Variants in VCL observed in about 807,000 individuals in gnomAD.
VCL encodes epididymis luminal protein 114.
A neutral mutation model predicts 125.7 loss-of-function variants in VCL; 47 were observed. The ratio of observed to expected loss-of-function variants is 0.37; its 90% CI spans 0.30 to 0.48. The LOEUF (loss-of-function observed/expected upper bound fraction) is 0.48, where lower values mean the gene tolerates loss of function less well. VCL is among the 20% of genes least tolerant of loss of function. VCL has a pLI of 0.99. For missense variants in VCL, 1,069 were observed against 1,455.5 expected, an observed-to-expected ratio of 0.73 and a Z score of 4.32; for synonymous variants, 458 against 514.6, an observed-to-expected ratio of 0.89 and a Z score of 1.49.
chr10:74,114,079 GA>G, intron 19 of VCL, 104 bp from the exon 20 acceptor site: 2 of 1,341,290 alleles, frequency 1.5e-6, no homozygotes, highest in Non-Finnish European at 2.1e-6. Flanking sequence ...CTTCCGGAGG[GA>G]TGCTAAGGTG....
At chr10:74,067,393 A>G (rs564533178) in intron 2 of VCL, among the ~76,000 whole-genome samples, 12 of 149,676 alleles carry the variant, frequency 8.0e-5, no homozygotes, top group Non-Finnish European at 1.6e-4. Flanking sequence ...AAAAAAAAAG[A>G]TAAGCATTGG....
chr10:74,088,035 A>G (rs760727475), intron 8 of VCL, among the ~76,000 whole-genome samples: 7 of 152,216 alleles, frequency 4.6e-5, no homozygotes, highest in Non-Finnish European at 8.8e-5. Flanking sequence ...GGCTAGATAG[A>G]TGAATGACAG....
intron 14 of VCL, among the ~76,000 whole-genome samples, chr10:74,102,167 G>C (rs1371871636): frequency 6.6e-6 from 1 of 151,646 alleles, no homozygotes; most frequent in Non-Finnish European, 1.5e-5. Context: ...GGCCGGCTTG[G>C]ATAATCTTAA....
At chr10:74,060,493 A>G (rs550285074) in intron 2 of VCL, among the ~76,000 whole-genome samples, 1 of 151,414 alleles carries the variant, frequency 6.6e-6, no homozygotes, top group Admixed American at 6.6e-5. Context: ...TCTCTACGCA[A>G]AATACAAAAA....
intron 2 of VCL, among the ~76,000 whole-genome samples, chr10:74,057,945 A>T (rs1353098214): frequency 6.6e-6 from 1 of 152,158 alleles, no homozygotes; most frequent in African/African-American, 2.4e-5. Context: ...TATTAAATGT[A>T]AGCACTTAAA....
At chr10:74,022,673 G>A (rs1481863999) in intron 1 of VCL, among the ~76,000 whole-genome samples, 4 of 147,112 alleles carry the variant, frequency 2.7e-5, no homozygotes, top group Admixed American at 2.0e-4. Context: ...TTTCGTTCTT[G>A]TTGCCCAGGC....
At chr10:74,035,362 G>A (rs772159623) in intron 1 of VCL, among the ~76,000 whole-genome samples, 10 of 151,606 alleles carry the variant, frequency 6.6e-5, no homozygotes, top group Non-Finnish European at 1.2e-4. Flanking sequence ...AAGACAAAAG[G>A]CCTCTCACAT....
intron 1 of VCL, among the ~76,000 whole-genome samples, chr10:74,013,288 A>C (rs1350933717): frequency 6.6e-6 from 1 of 152,170 alleles, no homozygotes; most frequent in African/African-American, 2.4e-5. Context: ...TTGCATGCAA[A>C]AGGACCATCT....
chr10:74,051,159 G>A (rs577229123), intron 2 of VCL, among the ~76,000 whole-genome samples: 2 of 151,628 alleles, frequency 1.3e-5, no homozygotes, highest in South Asian at 4.2e-4. Context: ...GGCTGGTCTC[G>A]AACTCCTGGC....
chr10:74,003,955 A>C (rs1840274598), intron 1 of VCL, among the ~76,000 whole-genome samples: 1 of 152,166 alleles, frequency 6.6e-6, no homozygotes. Context: ...TCCTGGCCTC[A>C]AACAATACTG....
chr10:74,099,759 G>C (rs536897430), intron 13 of VCL, among the ~76,000 whole-genome samples: 54 of 152,308 alleles, frequency 3.5e-4, no homozygotes, highest in African/African-American at 1.3e-3. Flanking sequence ...CAGAGTGTGG[G>C]AGACCAGCTA....
At chr10:74,103,427 A>G (rs1451327240) in intron 14 of VCL, among the ~76,000 whole-genome samples, 2 of 152,114 alleles carry the variant, frequency 1.3e-5, no homozygotes, top group Non-Finnish European at 2.9e-5. Context: ...GGTTGTTGTG[A>G]GGATTTTTTC....
chr10:74,101,488 G>A (rs1367628414), intron 14 of VCL, among the ~76,000 whole-genome samples: 7 of 150,352 alleles, frequency 4.7e-5, no homozygotes, highest in African/African-American at 1.7e-4. Flanking sequence ...CCCTGTCACC[G>A]TCTTTATACA....
chr10:74,005,730 A>G (rs1840312324), intron 1 of VCL, among the ~76,000 whole-genome samples: 1 of 152,178 alleles, frequency 6.6e-6, no homozygotes, highest in Non-Finnish European at 1.5e-5. Flanking sequence ...ATAAAGTGGC[A>G]TGGTATTTGC....
chr10:74,007,740 C>A (rs895088447), intron 1 of VCL, among the ~76,000 whole-genome samples: 1 of 152,168 alleles, frequency 6.6e-6, no homozygotes, highest in African/African-American at 2.4e-5. Context: ...AAGTGATCCA[C>A]CTGCCTTGGC....
intron 2 of VCL, among the ~76,000 whole-genome samples, chr10:74,062,647 C>T (rs1175303315): frequency 2.6e-5 from 4 of 151,950 alleles, no homozygotes; most frequent in Non-Finnish European, 4.4e-5. Context: ...TGTGGTAGTG[C>T]GATAATGGCT....
In VCL at chr10:74,105,110, A is replaced by G. The variant is rs1289313770; in HGVS notation, c.2191A>G (p.Lys731Glu). 1 of 1,614,200 alleles carries G rather than the reference A, an allele frequency of 6.2e-7. No individual in the cohort carries two copies. The highest frequency in any genetic ancestry group is 2.2e-5 in the East Asian group (1 of 44,892). Residue 731 changes from lysine (K) to glutamate (E), a missense_variant, in exon 16 of 22, where the codon AAA (lysine) becomes GAA (glutamate). Physicochemically the swap from Lys to Glu is moderately conservative, Grantham distance 56. Around this residue, in one of 6 missense-constraint regions of VCL, gnomAD observed 760 missense variants for 928.9 expected, o/e 0.82. Coordinates refer to ENST00000211998, the MANE Select transcript of VCL (RefSeq NM_014000.3). ...GTTGGATGCTTCAGAAGAAGCAATTAAAAAAGACCTGGACAAGTGCAAGGT... is the reference window on the plus strand; with the variant it reads ...GTTGGATGCTTCAGAAGAAGCAATTGAAAAAGACCTGGACAAGTGCAAGGT... ...SLLDASEEAI[K>E]KDLDKCKVAM...
At chr10:74,103,148 A>T (rs1840085412) in intron 14 of VCL, among the ~76,000 whole-genome samples, 1 of 152,304 alleles carries the variant, frequency 6.6e-6, no homozygotes, top group African/African-American at 2.4e-5. Context: ...GATTATGGGT[A>T]TGAGCCACTG....
chr10:74,022,608 A>ATAAG (rs1236001370), intron 1 of VCL, among the ~76,000 whole-genome samples: 5 of 19,838 alleles, frequency 2.5e-4, no homozygotes, highest in East Asian at 1.9e-3. Flanking sequence ...AAATAAATAA[A>ATAAG]TAAGTAAATA....
Sources: allele counts gnomAD v4.1 joint callset (sites outside exome capture counted in the v4.1 genomes callset), GRCh38; gene constraint gnomAD v4.1.1; regional missense constraint gnomAD v4.1.1; transcripts MANE v1.5; gene names NCBI Gene and HGNC (gene_info 2026-07-23, HGNC 2026-07-21).